Variants in DPP6 observed in about 807,000 individuals in gnomAD.
DPP6 encodes dipeptidyl peptidase like 6.
In DPP6, 69 loss-of-function variants were observed where a neutral mutation model predicts 122.6. That is an observed-to-expected ratio of 0.56 (90% CI 0.46 to 0.69). The LOEUF is 0.69. Ranked by LOEUF, DPP6 falls within the 30% of genes least tolerant of loss-of-function variation. The pLI is 0.00. For missense variants in DPP6, 928 were observed against 1,116.9 expected, an observed-to-expected ratio of 0.83 and a Z score of 2.41; for synonymous variants, 418 against 433.1, an observed-to-expected ratio of 0.97 and a Z score of 0.43.
At chr7:154,265,020 T>C in intron 1 of DPP6, among the ~76,000 whole-genome samples, 1 of 152,358 alleles carries the variant, frequency 6.6e-6, no homozygotes, top group South Asian at 2.1e-4. Flanking sequence ...GTGATAGTGA[T>C]GATGGTGTTA....
rs542474743 is a variant in DPP6 at position 154,202,657 on chromosome 7, G to A, written c.243+149594G>A. ...ATTACATCTGCATGTCGGCTCCTGT[G>A]AACCCGTCATCCCCTCCTACTACAG... On this transcript the variant is annotated intron_variant, in intron 1 of 25. Transcript: ENST00000377770. 2.0e-4 allele frequency among the ~76,000 whole-genome samples: 30 copies of A among 152,242 alleles called. No individual in the cohort carries two copies. In the South Asian group the frequency reaches 6.0e-3, roughly 30 times the overall value.
At chr7:154,240,097 A>G (rs1239492893) in intron 1 of DPP6, among the ~76,000 whole-genome samples, 1 of 147,640 alleles carries the variant, frequency 6.8e-6, no homozygotes, top group Non-Finnish European at 1.5e-5. Flanking sequence ...AAACTTTTGC[A>G]TTGTTCAAGA....
intron 1 of DPP6, among the ~76,000 whole-genome samples, chr7:154,228,730 A>G (rs1436212105): frequency 6.6e-6 from 1 of 152,178 alleles, no homozygotes; most frequent in Non-Finnish European, 1.5e-5. Flanking sequence ...GATAAAATTA[A>G]AAACATTAAC....
intron 21 of DPP6, 51 bp from the exon 22 acceptor site, chr7:154,885,582 G>T: frequency 6.5e-7 from 1 of 1,545,378 alleles, no homozygotes; most frequent in Non-Finnish European, 8.7e-7. Flanking sequence ...GCTGCTTCAT[G>T]CTGAGTTACT....
intron 2 of DPP6, among the ~76,000 whole-genome samples, chr7:154,463,231 G>A (rs1253548457): frequency 1.1e-4 from 12 of 107,290 alleles, no homozygotes; most frequent in African/African-American, 2.8e-4. Flanking sequence ...TTTTTGAGAC[G>A]GAGTCTCGCT....
chr7:154,077,528 C>G (rs943060786), intron 1 of DPP6, among the ~76,000 whole-genome samples: 4 of 152,128 alleles, frequency 2.6e-5, no homozygotes, highest in Admixed American at 6.5e-5. Flanking sequence ...GTGTCCAGCC[C>G]CCTGGCCTCT....
chr7:154,768,213 C>G (rs962094245), intron 8 of DPP6, among the ~76,000 whole-genome samples: 1 of 152,240 alleles, frequency 6.6e-6, no homozygotes. Context: ...CTGGTCTCCT[C>G]CTGGTGCCTC....
At chr7:153,788,483 A>G in the DPP6 span, among the ~76,000 whole-genome samples, 1 of 152,228 alleles carries the variant, frequency 6.6e-6, no homozygotes, top group African/African-American at 2.4e-5. Flanking sequence ...CAATGCCACA[A>G]TTCATTGGTT....
At chr7:153,857,322 T>TCTCTCTCTCTCTC in the DPP6 span, among the ~76,000 whole-genome samples, 105 of 124,474 alleles carry the variant, frequency 8.4e-4, no homozygotes, top group African/African-American at 2.8e-3. Context: ...CTCAAAGGTT[T>TCTCTCTCTCTCTC]TCTCTCTCTC....
chr7:153,840,110 C>T, the DPP6 span, among the ~76,000 whole-genome samples: 1 of 152,134 alleles, frequency 6.6e-6, no homozygotes, highest in Non-Finnish European at 1.5e-5. Flanking sequence ...GCAACATTTA[C>T]ACAAGATGCA....
chr7:154,002,499 C>T (rs1018745565), intron 1 of DPP6, among the ~76,000 whole-genome samples: 4 of 152,298 alleles, frequency 2.6e-5, no homozygotes, highest in South Asian at 2.1e-4. Context: ...CGGGGTCAGT[C>T]GCTGGCCCAA....
chr7:154,179,887 C>T (rs924261571), intron 1 of DPP6, among the ~76,000 whole-genome samples: 1 of 152,122 alleles, frequency 6.6e-6, no homozygotes, highest in African/African-American at 2.4e-5. Flanking sequence ...AAAAAATCAA[C>T]ACATTATTAA....
intron 1 of DPP6, among the ~76,000 whole-genome samples, chr7:154,246,663 T>TGGC (rs2150886800): frequency 6.6e-6 from 1 of 152,306 alleles, no homozygotes; most frequent in South Asian, 2.1e-4. Context: ...CAATAAAGTG[T>TGGC]GGCATTAGCA....
At position 154,215,877 on chromosome 7, in the gene DPP6, G is replaced by A. The variant is rs142729352; in HGVS notation, c.243+162814G>A. On this transcript the variant is annotated intron_variant, in intron 1 of 25. Coordinates refer to ENST00000377770, the MANE Select transcript of DPP6 (RefSeq NM_130797.4). The stretch of plus-strand genomic sequence containing the variant: ...TATGGAGGGCAAGGGTACTTTTGAG[G>A]AATTTTCTGAATAGTAGGCTGAATT... Among the ~76,000 whole-genome samples, 51 of 152,156 alleles carry A rather than the reference G, an allele frequency of 3.4e-4. No individual in the cohort carries two copies. In the East Asian group the frequency reaches 9.5e-3, roughly 28 times the overall value.
chr7:154,505,580 G>A (rs1825601779), intron 3 of DPP6, among the ~76,000 whole-genome samples: 2 of 152,158 alleles, frequency 1.3e-5, no homozygotes. Flanking sequence ...GGTACTTGAG[G>A]AACATGGGTC....
At chr7:154,573,292 T>G (rs1282395213) in intron 5 of DPP6, among the ~76,000 whole-genome samples, 1 of 152,172 alleles carries the variant, frequency 6.6e-6, no homozygotes, top group East Asian at 1.9e-4. Context: ...CCCTCTGCAG[T>G]GGCCTCAGAG....
chr7:154,181,185 A>T (rs908317534), intron 1 of DPP6, among the ~76,000 whole-genome samples: 1 of 152,214 alleles, frequency 6.6e-6, no homozygotes, highest in Non-Finnish European at 1.5e-5. Flanking sequence ...ACACAAGAGC[A>T]TGCCCCTGGA....
chr7:154,477,052 C>T (rs1459603577), intron 3 of DPP6, among the ~76,000 whole-genome samples: 1 of 151,960 alleles, frequency 6.6e-6, no homozygotes. Flanking sequence ...GCACTCCAAC[C>T]TGGGTGACAG....
chr7:154,823,399 C>A (rs1353942141), intron 16 of DPP6, among the ~76,000 whole-genome samples: 3 of 152,062 alleles, frequency 2.0e-5, no homozygotes, highest in East Asian at 1.9e-4. Flanking sequence ...ATGCAATATG[C>A]AATTTTACAC....
Sources: gnomAD v4.1 joint callset for allele counts (sites outside exome capture counted in the v4.1 genomes callset) on GRCh38, gnomAD v4.1.1 for gene constraint, MANE v1.5 for transcripts, NCBI Gene and HGNC (gene_info 2026-07-23, HGNC 2026-07-21) for gene names.